The following CLCN7 variants were observed in gnomAD, a reference collection of about 807,000 sequenced individuals.
CLCN7 encodes the protein Cl-/H+ antiporter 7, also known as H(+)/Cl(-) exchange transporter 7.
In CLCN7, 60 loss-of-function variants were observed where a neutral mutation model predicts 102.1. The ratio of observed to expected loss-of-function variants is 0.59; its 90% CI spans 0.48 to 0.73. CLCN7 has a LOEUF of 0.73. CLCN7 is among the 30% of genes least tolerant of loss of function. The pLI is 0.00. For synonymous variants in CLCN7, 560 were observed against 490.5 expected (o/e 1.14, Z -1.87); for missense variants, 962 against 1,125.7 (o/e 0.85, Z 2.08).
Position 1,447,576 on chromosome 16 carries a change from C to A in CLCN7, c.2074-8G>T. On this transcript the variant is annotated splice_polypyrimidine_tract_variant and splice_region_variant and intron_variant, in intron 22 of 24. Coordinates refer to ENST00000382745, the MANE Select transcript of CLCN7 (RefSeq NM_001287.6). ...GGACCGCTCCACAAACACCTGCGGG[C>A]GGCAGAGCCCTGTGTCAGGCACCCA... 6.4e-7 allele frequency: 1 copy of A among 1,553,716 alleles called. No homozygotes were observed. Among genetic ancestry groups the A allele is most frequent in the Non-Finnish European group, 8.7e-7 (1 of 1,148,866 alleles).
rs113020220 is a variant in CLCN7 at position 1,451,575 on chromosome 16, C to T, written c.1447+48G>A. On this transcript the variant is annotated intron_variant, in intron 16 of 24. Coordinates refer to ENST00000382745, the MANE Select transcript of CLCN7 (RefSeq NM_001287.6). The stretch of plus-strand genomic sequence containing the variant: ...GGGGACACTCAGCCAGAAGGCATCA[C>T]CCAGGCCCTGATCCCAGGGCCTGCC... The T allele has an allele frequency of 4.9e-4, 749 of 1,540,258 alleles. 7 individuals are homozygous for T. In the African/African-American group the frequency reaches 8.6e-3, roughly 18 times the overall value.
chr16:1,455,620 G>T (rs561770748), intron 11 of CLCN7, 111 bp downstream of exon 11: 3 of 1,154,742 alleles, frequency 2.6e-6, no homozygotes, highest in South Asian at 1.3e-5. Flanking sequence ...GACCCACAGG[G>T]GGTCCAGCTC....
At chr16:1,468,289 C>A (rs900482803) in intron 1 of CLCN7, among the ~76,000 whole-genome samples, 1 of 152,210 alleles carries the variant, frequency 6.6e-6, no homozygotes, top group African/African-American at 2.4e-5. Flanking sequence ...ACCGCCGCCG[C>A]CTTGGCAGAT....
chr16:1,465,639 G>A (rs574220508), intron 1 of CLCN7, among the ~76,000 whole-genome samples: 39 of 152,278 alleles, frequency 2.6e-4, no homozygotes, highest in African/African-American at 8.7e-4. Context: ...AGGAAAGAAG[G>A]GCTGGACAAC....
intron 23 of CLCN7, 64 bp downstream of exon 23, chr16:1,447,328 T>G: frequency 1.4e-6 from 2 of 1,435,182 alleles, no homozygotes; most frequent in South Asian, 1.3e-5. Flanking sequence ...TCCCCGAGGC[T>G]CTGGACCCCA....
chr16:1,449,185 C>T lies in CLCN7; in HGVS notation c.1669+91G>A, dbSNP rs577535446. On this transcript the variant is annotated intron_variant, in intron 18 of 24. Coordinates refer to ENST00000382745, the MANE Select transcript of CLCN7 (RefSeq NM_001287.6). ...TCTCTGCAGCACCCATCCCATCCAC[C>T]TGCTCCCAGACCCTAGCCCCGCAAG... 6.9e-5 allele frequency: 110 copies of T among 1,586,072 alleles called. No individual in the cohort carries two copies. The African/African-American group carries it at 1.3e-3, about 19-fold the overall frequency.
In CLCN7 at chr16:1,447,549, T is replaced by C; in HGVS notation, c.2093A>G (p.Asn698Ser). 3.2e-6 allele frequency: 5 copies of C among 1,556,182 alleles called. No homozygotes were observed. The highest frequency in any genetic ancestry group is 1.2e-5 in the South Asian group (1 of 84,496). ...LKHKVFVERSNLGLVQRRLRL... is the reference protein window; with the variant it reads ...LKHKVFVERSSLGLVQRRLRL... ...CAGGCGCCGCTGTACCAGGCCCAGG[T>C]TGGACCGCTCCACAAACACCTGCGG... The change falls in exon 23 of 25, where the codon AAC becomes AGC. Residue 698 changes from asparagine to serine, a missense_variant. By Grantham distance (46) the Asn-to-Ser change is conservative (BLOSUM62 1). Around this residue, in one of 2 missense-constraint regions of CLCN7, gnomAD observed 799 missense variants for 988.0 expected, o/e 0.81. Transcript: ENST00000382745.
chr16:1,452,921 A>G lies in CLCN7; in HGVS notation c.1215-28T>C, dbSNP rs769164880. The G allele has an allele frequency of 1.9e-5, 30 of 1,557,950 alleles. No individual in the cohort carries two copies. The African/African-American group carries it at 4.1e-4, about 21-fold the overall frequency. On this transcript the variant is annotated intron_variant, in intron 14 of 24. Transcript: ENST00000382745. ...GGAACCAAGAATCAGGCTGCATGGC[A>G]GGCAGGACGGCAGCGCGGCCCCTCC...
At position 1,448,439 on chromosome 16, in the gene CLCN7, C is replaced by T. The variant is rs376096625; in HGVS notation, c.1929G>A (p.Lys643=). 5.6e-6 allele frequency: 9 copies of T among 1,612,132 alleles called. No homozygotes were observed. Among genetic ancestry groups the T allele is most frequent in the Non-Finnish European group, 6.8e-6 (8 of 1,179,962 alleles). ...TPVTCLRRRE[K]VGVIVDVLSD... ...TCAGCACGTCCACAATGACGCCGAC[C>T]TTCTCACGCCGCCTCAGGCAGGTCA... Residue 643 remains lysine, a synonymous_variant, in exon 21 of 25, where the codon AAG becomes AAA. Transcript: ENST00000382745.
intron 9 of CLCN7, 33 bp from the exon 10 acceptor site, chr16:1,456,239 T>C: frequency 6.6e-7 from 1 of 1,508,626 alleles, no homozygotes; most frequent in Non-Finnish European, 9.0e-7. Flanking sequence ...TCGGGGCAGG[T>C]TCCTTGAGGG....
intron 2 of CLCN7, among the ~76,000 whole-genome samples, chr16:1,464,774 G>A (rs1478132204): frequency 6.6e-6 from 1 of 152,216 alleles, no homozygotes; most frequent in African/African-American, 2.4e-5. Context: ...GGCAGCAGAG[G>A]ACTCCCGGCC....
At chr16:1,465,915 G>T (rs1223295595) in intron 1 of CLCN7, among the ~76,000 whole-genome samples, 1 of 152,238 alleles carries the variant, frequency 6.6e-6, no homozygotes, top group Non-Finnish European at 1.5e-5. Flanking sequence ...GCGGGCCCTG[G>T]GTGGCGTGGT....
intron 1 of CLCN7, among the ~76,000 whole-genome samples, chr16:1,472,938 G>GTTT (rs71391167): frequency 7.3e-6 from 1 of 136,552 alleles, no homozygotes; most frequent in African/African-American, 2.7e-5. Flanking sequence ...GGCTAATTTT[G>GTTT]TTTTTTTTTT....
Position 1,447,838 on chromosome 16 carries a change from T to C in CLCN7, c.2014-124A>G. The stretch of plus-strand genomic sequence containing the variant: ...TTCCCATCTGGGCATGGGCCCCGTG[T>C]CGGTGGCTACCTGCTCACACCAGCC... On this transcript the variant is annotated intron_variant, in intron 21 of 24. Transcript: ENST00000382745. The C allele has an allele frequency of 3.7e-6, 4 of 1,079,820 alleles. No homozygotes were observed. In the South Asian group the frequency reaches 4.1e-5, roughly 11 times the overall value. The allele number at this position is 1,079,820 out of a possible 1,614,324, so 66.9% of individuals were successfully genotyped here. A position where few individuals can be genotyped will look rare whatever the true frequency, so the allele number is the denominator to read the frequency against.
chr16:1,455,863 C>A, intron 10 of CLCN7, 68 bp from the exon 11 acceptor site: 1 of 1,539,462 alleles, frequency 6.5e-7, no homozygotes, highest in Non-Finnish European at 8.9e-7. Context: ...CCAACTCCCT[C>A]CCCCAGGCTC....
intron 21 of CLCN7, 36 bp downstream of exon 21, chr16:1,448,319 A>T: frequency 6.2e-7 from 1 of 1,610,998 alleles, no homozygotes; most frequent in Non-Finnish European, 8.5e-7. Context: ...GACAGAGGTC[A>T]CATAGGCAGG....
chr16:1,465,709 C>T (rs2038995952), intron 1 of CLCN7, among the ~76,000 whole-genome samples: 2 of 152,338 alleles, frequency 1.3e-5, no homozygotes, highest in South Asian at 2.1e-4. Context: ...CAACCCTGCT[C>T]CCGAGGCCCT....
In CLCN7 at chr16:1,447,142, C is replaced by A. The variant is rs762805171; in HGVS notation, c.2251-56G>T. The A allele has an allele frequency of 2.0e-6, 3 of 1,495,066 alleles. No homozygotes were observed. In the South Asian group the frequency reaches 3.6e-5, roughly 18 times the overall value. The allele number at this position is 1,495,066 out of a possible 1,614,324, so 92.6% of individuals were successfully genotyped here. On this transcript the variant is annotated intron_variant, in intron 23 of 24. Transcript: ENST00000382745. ...CCCACACAGCAGAGGCAGGCGGGAC[C>A]CTCACCCAAGCTGGCTCCCTGCACC...
intron 14 of CLCN7, among the ~76,000 whole-genome samples, chr16:1,453,633 T>G (rs920785510): frequency 6.6e-6 from 1 of 152,194 alleles, no homozygotes; most frequent in Non-Finnish European, 1.5e-5. Flanking sequence ...ACTCCTAGCC[T>G]TGGGCTAGTC....
Sources: gnomAD v4.1 joint callset for allele counts (sites outside exome capture counted in the v4.1 genomes callset) on GRCh38, gnomAD v4.1.1 for gene constraint, gnomAD v4.1.1 regional missense constraint, MANE v1.5 for transcripts, NCBI Gene and HGNC (gene_info 2026-07-23, HGNC 2026-07-21) for gene names.